CEP63: variants seen among roughly 807,000 people sequenced by gnomAD.
The protein encoded by CEP63 is centrosomal protein 63.
CEP63 carries 84 observed loss-of-function variants against 89.1 expected under a neutral mutation model. The observed-to-expected ratio is 0.94, with a 90% CI of 0.79 to 1.13. CEP63 has a LOEUF of 1.13. Ranked by LOEUF, CEP63 falls within the 50% of genes most tolerant of loss-of-function variation. CEP63 has a pLI of 0.00. For missense variants in CEP63, 838 were observed against 813.3 expected (o/e 1.03, Z -0.37); for synonymous variants, 267 against 272.5 (o/e 0.98, Z 0.20).
the CEP63 span, among the ~76,000 whole-genome samples, chr3:134,602,252 C>T: frequency 1.5e-4 from 23 of 152,280 alleles, 2 homozygotes; most frequent in South Asian, 4.6e-3. Context: ...TCGCCTTTCC[C>T]TCTTATCTGC....
At chr3:134,608,981 C>G in the CEP63 span, 1 of 936,330 alleles carries the variant, frequency 1.1e-6, no homozygotes, top group African/African-American at 1.7e-5. Flanking sequence ...GGAGACTCCT[C>G]CTCAGTGGAT....
chr3:134,634,967 G>A, the CEP63 span, among the ~76,000 whole-genome samples: 228 of 152,362 alleles, frequency 1.5e-3, no homozygotes, highest in South Asian at 3.1e-3. Context: ...AAATAGAACA[G>A]TCACTCTGGA....
chr3:134,754,645 G>T, the CEP63 span, among the ~76,000 whole-genome samples: 1 of 152,148 alleles, frequency 6.6e-6, no homozygotes, highest in East Asian at 1.9e-4. Context: ...ACACTCAGAA[G>T]TTGGGAGTGT....
At chr3:134,617,562 A>G in the CEP63 span, among the ~76,000 whole-genome samples, 1 of 152,276 alleles carries the variant, frequency 6.6e-6, no homozygotes, top group Non-Finnish European at 1.5e-5. Flanking sequence ...ACCAAATGTT[A>G]CCAGTGTTAG....
the CEP63 span, chr3:134,647,566 T>C: frequency 4.4e-6 from 4 of 909,902 alleles, no homozygotes; most frequent in Non-Finnish European, 7.1e-6. Flanking sequence ...GTTGCAGACT[T>C]ATCTAGGTTA....
At chr3:134,585,935 C>T (rs1958474922) in intron 10 of CEP63, among the ~76,000 whole-genome samples, 1 of 152,154 alleles carries the variant, frequency 6.6e-6, no homozygotes, top group African/African-American at 2.4e-5. Flanking sequence ...GAATTGATCC[C>T]TTTACCATTA....
the CEP63 span, among the ~76,000 whole-genome samples, chr3:134,730,032 A>G: frequency 1.3e-5 from 2 of 152,236 alleles, no homozygotes; most frequent in Non-Finnish European, 2.9e-5. Context: ...AGGCACATTC[A>G]GCAAGAGAGG....
chr3:134,713,954 G>C, the CEP63 span, among the ~76,000 whole-genome samples: 5 of 152,172 alleles, frequency 3.3e-5, no homozygotes, highest in South Asian at 1.0e-3. Flanking sequence ...CAGACTGTCC[G>C]AGGCTGGATC....
chr3:134,684,276 T>C, the CEP63 span, among the ~76,000 whole-genome samples: 1 of 152,124 alleles, frequency 6.6e-6, no homozygotes, highest in African/African-American at 2.4e-5. Context: ...GGGAACTATC[T>C]CTCTATTTCA....
chr3:134,643,551 T>C, the CEP63 span, among the ~76,000 whole-genome samples: 1 of 152,220 alleles, frequency 6.6e-6, no homozygotes, highest in Non-Finnish European at 1.5e-5. Context: ...AGCACGACAC[T>C]GTGCATGGAG....
At chr3:134,605,424 A>C in the CEP63 span, among the ~76,000 whole-genome samples, 1 of 151,686 alleles carries the variant, frequency 6.6e-6, no homozygotes, top group Non-Finnish European at 1.5e-5. Flanking sequence ...CCTAGCTTGG[A>C]CTCTTGGTAG....
the CEP63 span, among the ~76,000 whole-genome samples, chr3:134,711,862 A>T: frequency 4.6e-5 from 7 of 151,006 alleles, no homozygotes; most frequent in African/African-American, 1.7e-4. Flanking sequence ...CCCTGGGTTC[A>T]AGTGATTCTC....
chr3:134,487,645 TTA>T (rs1462060362), intron 1 of CEP63, among the ~76,000 whole-genome samples: 1 of 152,214 alleles, frequency 6.6e-6, no homozygotes, highest in Non-Finnish European at 1.5e-5. Flanking sequence ...TCTCCGATCT[TTA>T]TGTTATTTTA....
chr3:134,747,257 C>G, the CEP63 span, among the ~76,000 whole-genome samples: 2 of 152,154 alleles, frequency 1.3e-5, no homozygotes, highest in African/African-American at 4.8e-5. Flanking sequence ...ATTACTGAGG[C>G]CTCTGTTCTG....
intron 1 of CEP63, among the ~76,000 whole-genome samples, chr3:134,491,899 C>G (rs905236685): frequency 6.6e-6 from 1 of 151,984 alleles, no homozygotes; most frequent in Non-Finnish European, 1.5e-5. Context: ...TTTTTATTTT[C>G]TTCCTGTGTC....
chr3:134,522,380 G>C (rs1056235589), intron 3 of CEP63, among the ~76,000 whole-genome samples: 3 of 152,114 alleles, frequency 2.0e-5, no homozygotes, highest in African/African-American at 7.2e-5. Context: ...GTTCACAAGG[G>C]ATATAGGTGA....
chr3:134,691,328 A>G, the CEP63 span, among the ~76,000 whole-genome samples: 1 of 141,648 alleles, frequency 7.1e-6, no homozygotes, highest in African/African-American at 2.7e-5. Context: ...ATTGCACTCT[A>G]GCCTGGGTGA....
the CEP63 span, among the ~76,000 whole-genome samples, chr3:134,703,695 G>A: frequency 6.6e-6 from 1 of 152,136 alleles, no homozygotes; most frequent in Non-Finnish European, 1.5e-5. Flanking sequence ...TTAATGCCTA[G>A]GTGATGGGAT....
At chr3:134,685,186 A>G in the CEP63 span, among the ~76,000 whole-genome samples, 4 of 152,224 alleles carry the variant, frequency 2.6e-5, no homozygotes, top group Non-Finnish European at 5.9e-5. Context: ...GAGAAAATGC[A>G]TATCTTCATG....
Sources: allele counts gnomAD v4.1 joint callset (sites outside exome capture counted in the v4.1 genomes callset), GRCh38; gene constraint gnomAD v4.1.1; transcripts MANE v1.5; gene names NCBI Gene and HGNC (gene_info 2026-07-23, HGNC 2026-07-21).